The following PLCH1 variants were observed in gnomAD, a reference collection of about 807,000 sequenced individuals.
PLCH1 encodes phospholipase C eta 1.
PLCH1 carries 60 observed loss-of-function variants against 126.7 expected under a neutral mutation model. The observed-to-expected ratio is 0.47, with a 90% CI of 0.38 to 0.59. PLCH1 has a LOEUF of 0.59. Ranked by LOEUF, PLCH1 falls within the 20% of genes least tolerant of loss-of-function variation. The pLI is 0.00. For missense variants in PLCH1, 1,723 were observed against 2,040.0 expected (o/e 0.84, Z 2.99); for synonymous variants, 719 against 734.9 (o/e 0.98, Z 0.35).
At chr3:155,526,614 T>C (rs1721986766) in intron 10 of PLCH1, among the ~76,000 whole-genome samples, 1 of 151,220 alleles carries the variant, frequency 6.6e-6, no homozygotes, top group Non-Finnish European at 1.5e-5. Flanking sequence ...TGAAAGGAAC[T>C]GAAATGTGCC....
At chr3:155,715,700 C>A (rs376210500) in intron 1 of PLCH1, among the ~76,000 whole-genome samples, 2 of 150,588 alleles carry the variant, frequency 1.3e-5, no homozygotes, top group Non-Finnish European at 2.9e-5. Context: ...GCAGCCTCAA[C>A]CTCCTAGGAT....
intron 2 of PLCH1, among the ~76,000 whole-genome samples, chr3:155,622,819 C>A (rs1479220896): frequency 6.6e-6 from 1 of 152,132 alleles, no homozygotes; most frequent in Non-Finnish European, 1.5e-5. Flanking sequence ...CAGTGGGAGA[C>A]TTTAACACCT....
At chr3:155,648,850 C>T (rs1417000937) in intron 2 of PLCH1, among the ~76,000 whole-genome samples, 6 of 152,158 alleles carry the variant, frequency 3.9e-5, no homozygotes, top group African/African-American at 1.4e-4. Context: ...TGAGGCTGAG[C>T]AACCATCAGC....
chr3:155,677,263 C>T (rs968601836), intron 2 of PLCH1, among the ~76,000 whole-genome samples: 2 of 152,214 alleles, frequency 1.3e-5, no homozygotes, highest in Non-Finnish European at 1.5e-5. Flanking sequence ...GGCCACCCAG[C>T]CTAGATTGCT....
At chr3:155,646,116 C>T (rs1442129112) in intron 2 of PLCH1, among the ~76,000 whole-genome samples, 2 of 152,154 alleles carry the variant, frequency 1.3e-5, no homozygotes, top group African/African-American at 4.8e-5. Context: ...TTCTGGAGAG[C>T]TGTTTACGAT....
Position 155,711,649 on chromosome 3 carries a change from C to T in PLCH1, c.-40-7385G>A, listed in dbSNP as rs757270302. Among the ~76,000 whole-genome samples, 91 of 152,182 alleles carry T rather than the reference C, an allele frequency of 6.0e-4. 1 individual carries two copies. The highest frequency in any genetic ancestry group is 1.9e-4 in the Non-Finnish European group (13 of 68,040). ...CCTCTGGGAAAATCCTTCTCCCACT[C>T]TCTGTTCAAAAGATTCAGGTGCTGT... On this transcript the variant is annotated intron_variant, in intron 1 of 22. Coordinates refer to ENST00000460012, the MANE Select transcript of PLCH1 (RefSeq NM_014996.4).
At chr3:155,512,085 G>A (rs990008724) in intron 12 of PLCH1, among the ~76,000 whole-genome samples, 16 of 150,064 alleles carry the variant, frequency 1.1e-4, no homozygotes, top group African/African-American at 2.7e-4. Context: ...TCTGAAAAGC[G>A]CAATATTCAG....
intron 10 of PLCH1, among the ~76,000 whole-genome samples, chr3:155,526,872 A>G (rs1722021324): frequency 6.6e-6 from 1 of 152,238 alleles, no homozygotes; most frequent in African/African-American, 2.4e-5. Flanking sequence ...AACCAAAATC[A>G]TGGGGCAGAA....
At chr3:155,685,934 T>C (rs746981747) in intron 2 of PLCH1, among the ~76,000 whole-genome samples, 7 of 150,468 alleles carry the variant, frequency 4.7e-5, no homozygotes, top group Middle Eastern at 3.4e-3. Context: ...TTTCTCCATG[T>C]TTTTTACTTT....
chr3:155,542,919 A>C (rs1309142143), intron 10 of PLCH1, among the ~76,000 whole-genome samples: 1 of 152,208 alleles, frequency 6.6e-6, no homozygotes, highest in East Asian at 1.9e-4. Context: ...AAAAGTAGAT[A>C]AAACCACAAA....
chr3:155,513,039 G>A (rs951962747), intron 12 of PLCH1, among the ~76,000 whole-genome samples: 8 of 152,140 alleles, frequency 5.3e-5, no homozygotes, highest in South Asian at 2.1e-4. Context: ...TCAGAGCTCC[G>A]CAGGAAAAAG....
intron 2 of PLCH1, among the ~76,000 whole-genome samples, chr3:155,657,099 T>G (rs1285439984): frequency 1.3e-5 from 2 of 150,694 alleles, no homozygotes; most frequent in Admixed American, 1.3e-4. Context: ...AAGCTGATTC[T>G]TAAGTTAAAA....
At chr3:155,575,329 C>T (rs957407597) in intron 6 of PLCH1, among the ~76,000 whole-genome samples, 3 of 152,024 alleles carry the variant, frequency 2.0e-5, no homozygotes, top group Admixed American at 1.3e-4. Flanking sequence ...TAACTCTTAC[C>T]AAACCATTCT....
intron 2 of PLCH1, among the ~76,000 whole-genome samples, chr3:155,654,682 C>T (rs529319890): frequency 1.3e-5 from 2 of 152,300 alleles, no homozygotes; most frequent in South Asian, 4.2e-4. Flanking sequence ...CTTCTCATAA[C>T]TTCCCCAGCT....
Position 155,500,174 on chromosome 3 carries a change from G to A in PLCH1, c.1796+529C>T, listed in dbSNP as rs183567096. 1.1e-4 allele frequency among the ~76,000 whole-genome samples: 16 copies of A among 152,190 alleles called. No homozygotes were observed. The East Asian group carries it at 2.5e-3, about 24-fold the overall frequency. On this transcript the variant is annotated intron_variant, in intron 14 of 22. Transcript: ENST00000460012. ...TATCATAAATACTACTGGCAATAAA[G>A]CAAACAAACAAACAAAAAAGAACTT...
chr3:155,519,524 C>A (rs1020833305), intron 11 of PLCH1, among the ~76,000 whole-genome samples: 1 of 151,956 alleles, frequency 6.6e-6, no homozygotes, highest in African/African-American at 2.4e-5. Context: ...CTGGGAAGAT[C>A]CAGGAAAGGG....
At chr3:155,494,081 T>A in intron 17 of PLCH1, 60 bp downstream of exon 17, 1 of 1,321,232 alleles carries the variant, frequency 7.6e-7, no homozygotes, top group South Asian at 1.2e-5. Context: ...AAAGGTTGCC[T>A]GCATTTAGAC....
rs1713958770 is a variant in PLCH1, at chr3:155,481,139, G to C, written c.4887C>G (p.Gly1629=). 6.2e-7 allele frequency: 1 copy of C among 1,614,112 alleles called. No homozygotes were observed. Residue 1629 remains glycine, a synonymous_variant, in exon 23 of 23, where the codon GGC becomes GGG. Transcript: ENST00000460012. The surrounding 1 kb of genome is among the most constrained non-coding windows in gnomAD (Gnocchi z 4.2). ...NRHSTGSYIA[G]YLKNTKGGGL... The stretch of plus-strand genomic sequence containing the variant: ...CACCCCCTTTCGTGTTCTTCAGGTA[G>C]CCTGCGATGTAGGAGCCGGTGGAGT...
At chr3:155,531,944 A>G (rs750106602) in intron 10 of PLCH1, among the ~76,000 whole-genome samples, 5 of 152,264 alleles carry the variant, frequency 3.3e-5, no homozygotes, top group Non-Finnish European at 5.9e-5. Context: ...TCTATCAGCA[A>G]TAAGTTAAGG....
Sources: allele counts gnomAD v4.1 joint callset (sites outside exome capture counted in the v4.1 genomes callset), GRCh38; gene constraint gnomAD v4.1.1; non-coding constraint Gnocchi (gnomAD v3.1); transcripts MANE v1.5; gene names NCBI Gene and HGNC (gene_info 2026-07-23, HGNC 2026-07-21).